ADCY2: variants seen among roughly 807,000 people sequenced by gnomAD.
ADCY2 encodes adenylate cyclase 2.
A neutral mutation model predicts 125.2 loss-of-function variants in ADCY2; 31 were observed. The ratio of observed to expected loss-of-function variants is 0.25; its 90% confidence interval spans 0.19 to 0.33. The LOEUF (loss-of-function observed/expected upper bound fraction) is 0.33, where lower values mean the gene tolerates loss of function less well. Among genes scored for constraint, ADCY2 ranks in the 10% least tolerant of loss-of-function variants. The pLI is 1.00. For synonymous variants in ADCY2, 512 were observed against 548.4 expected (o/e 0.93, Z 0.93); for missense variants, 904 against 1,418.2 (o/e 0.64, Z 5.82).
chr5:7,766,914 T>C, intron 17 of ADCY2, 108 bp downstream of exon 17: 9 of 1,368,542 alleles, frequency 6.6e-6, no homozygotes, highest in Non-Finnish European at 8.7e-6. Flanking sequence ...GCATTTCCTC[T>C]CTGGTATCAA....
intron 4 of ADCY2, among the ~76,000 whole-genome samples, chr5:7,660,831 C>CCAAA (rs1739503341): frequency 6.6e-6 from 1 of 152,034 alleles, no homozygotes; most frequent in Non-Finnish European, 1.5e-5. Flanking sequence ...TACCATTTGC[C>CCAAA]CGAACAACTG....
At chr5:7,719,305 A>G (rs1432913928) in intron 12 of ADCY2, among the ~76,000 whole-genome samples, 1 of 152,248 alleles carries the variant, frequency 6.6e-6, no homozygotes, top group Admixed American at 6.5e-5. Flanking sequence ...TTTTCCCAAC[A>G]TGTTTCAGAA....
chr5:7,616,331 A>G (rs532197882), intron 3 of ADCY2, among the ~76,000 whole-genome samples: 2 of 152,228 alleles, frequency 1.3e-5, no homozygotes, highest in African/African-American at 2.4e-5. Flanking sequence ...TCCCAATGGC[A>G]GAAACTTCAT....
At chr5:7,526,320 C>T (rs1033137059) in intron 3 of ADCY2, among the ~76,000 whole-genome samples, 1 of 152,114 alleles carries the variant, frequency 6.6e-6, no homozygotes, top group African/African-American at 2.4e-5. Flanking sequence ...AAAGGGAAGG[C>T]TGGGAAGGGA....
chr5:7,571,611 G>A (rs1378037305), intron 3 of ADCY2, among the ~76,000 whole-genome samples: 1 of 152,002 alleles, frequency 6.6e-6, no homozygotes, highest in Non-Finnish European at 1.5e-5. Context: ...TATTGCTATG[G>A]CCAGAATTGT....
intron 2 of ADCY2, among the ~76,000 whole-genome samples, chr5:7,420,933 A>G (rs1029217212): frequency 7.2e-5 from 11 of 152,284 alleles, no homozygotes; most frequent in African/African-American, 2.4e-4. Flanking sequence ...CAAAATTAGC[A>G]GAGGAGTATG....
intron 3 of ADCY2, among the ~76,000 whole-genome samples, chr5:7,603,769 G>T (rs188965974): frequency 9.9e-6 from 1 of 101,282 alleles, no homozygotes; most frequent in African/African-American, 3.8e-5. Context: ...AAAATTCTGG[G>T]GTAATGCTCT....
intron 2 of ADCY2, among the ~76,000 whole-genome samples, chr5:7,457,654 T>G (rs949051366): frequency 6.6e-6 from 1 of 152,192 alleles, no homozygotes; most frequent in Non-Finnish European, 1.5e-5. Flanking sequence ...ATAACGTTTT[T>G]GCACACAGTT....
At chr5:7,407,680 C>A (rs949035444) in intron 1 of ADCY2, among the ~76,000 whole-genome samples, 1 of 151,976 alleles carries the variant, frequency 6.6e-6, no homozygotes, top group African/African-American at 2.4e-5. Flanking sequence ...GTCTGCTGGG[C>A]CCCCATTCAT....
chr5:7,757,720 CCCCGGG>C (rs2126459309), intron 16 of ADCY2, 134 bp downstream of exon 16: 1 of 1,293,948 alleles, frequency 7.7e-7, no homozygotes, highest in African/African-American at 1.5e-5. Flanking sequence ...ACATGCTCAG[CCCCGGG>C]GTGAGTCAGG....
intron 1 of ADCY2, among the ~76,000 whole-genome samples, chr5:7,403,691 G>A (rs1242627074): frequency 6.6e-6 from 1 of 151,794 alleles, no homozygotes; most frequent in Non-Finnish European, 1.5e-5. Flanking sequence ...TCTTTTACTT[G>A]TCTTTTTGTT....
At chr5:7,757,160 TG>T (rs1004951979) in intron 15 of ADCY2, among the ~76,000 whole-genome samples, 6 of 152,210 alleles carry the variant, frequency 3.9e-5, no homozygotes, top group African/African-American at 1.4e-4. Flanking sequence ...ATTTTTCCTT[TG>T]AGAAAGGAAT....
chr5:7,820,593 T>C lies in ADCY2; in HGVS notation c.3027T>C (p.Gly1009=). ...TTAACCATGGACCTGTGATAGCTGG[T>C]GTGATTGGAGCTCAGAAGCCACAAT... The part of the protein sequence containing the change: ...VGINHGPVIA[G]VIGAQKPQYD... The change falls in exon 24 of 25, where the codon GGT becomes GGC. Residue 1009 remains glycine, a synonymous_variant. Transcript: ENST00000338316. 6.2e-7 allele frequency: 1 copy of C among 1,614,032 alleles called. No homozygotes were observed. Among genetic ancestry groups the C allele is most frequent in the Non-Finnish European group, 8.5e-7 (1 of 1,179,928 alleles).
chr5:7,706,501 G>T (rs1741270772), intron 7 of ADCY2, among the ~76,000 whole-genome samples: 1 of 152,206 alleles, frequency 6.6e-6, no homozygotes, highest in African/African-American at 2.4e-5. Context: ...TAGCCAAAAC[G>T]TTTTGTCATC....
At chr5:7,581,224 A>G (rs1736414993) in intron 3 of ADCY2, among the ~76,000 whole-genome samples, 1 of 152,208 alleles carries the variant, frequency 6.6e-6, no homozygotes, top group African/African-American at 2.4e-5. Flanking sequence ...GATGGATATG[A>G]TAACATCATA....
intron 2 of ADCY2, among the ~76,000 whole-genome samples, chr5:7,477,101 G>T (rs997602873): frequency 6.6e-6 from 1 of 151,966 alleles, no homozygotes; most frequent in Admixed American, 6.6e-5. Flanking sequence ...CCTCGCTCTT[G>T]TTCTTATAGT....
rs576886295 is a variant in ADCY2, at chr5:7,510,843, T to C, written c.409-9895T>C. ...CTTACAGTGTGTGTGTGTCTTTTAG[T>C]GAAGAACACGATATGAAGAGTTGTG... On this transcript the variant is annotated intron_variant, in intron 2 of 24. Transcript: ENST00000338316. 7.5e-4 allele frequency among the ~76,000 whole-genome samples: 115 copies of C among 152,330 alleles called. 6 individuals are homozygous for C. In the South Asian group the frequency reaches 0.021, roughly 28 times the overall value.
intron 1 of ADCY2, among the ~76,000 whole-genome samples, chr5:7,413,418 G>A (rs1282281937): frequency 6.6e-6 from 1 of 151,860 alleles, no homozygotes; most frequent in African/African-American, 2.4e-5. Context: ...CTCAGCCTCC[G>A]GAGTAGCTGG....
intron 3 of ADCY2, among the ~76,000 whole-genome samples, chr5:7,553,079 G>T (rs540055921): frequency 1.3e-5 from 2 of 152,282 alleles, no homozygotes; most frequent in South Asian, 4.1e-4. Context: ...ACTCACACAA[G>T]TTCAGTATTC....
Sources: allele counts gnomAD v4.1 joint callset (sites outside exome capture counted in the v4.1 genomes callset), GRCh38; gene constraint gnomAD v4.1.1; transcripts MANE v1.5; gene names NCBI Gene and HGNC (gene_info 2026-07-23, HGNC 2026-07-21).